SLC35F3: variants seen among roughly 807,000 people sequenced by gnomAD.
SLC35F3 encodes the protein putative thiamine transporter SLC35F3.
SLC35F3 carries 25 observed loss-of-function variants against 49.9 expected under a neutral mutation model. The observed-to-expected ratio is 0.50, with a 90% CI of 0.37 to 0.70. The LOEUF (loss-of-function observed/expected upper bound fraction) is 0.70. Ranked by LOEUF, SLC35F3 falls within the 30% of genes least tolerant of loss-of-function variation. SLC35F3 has a pLI of 0.00. For missense variants in SLC35F3, 525 were observed against 639.8 expected, an observed-to-expected ratio of 0.82 and a Z score of 1.94; for synonymous variants, 275 against 265.4, an observed-to-expected ratio of 1.04 and a Z score of -0.35.
intron 3 of SLC35F3, among the ~76,000 whole-genome samples, chr1:234,233,814 C>A (rs1320207066): frequency 1.3e-5 from 2 of 152,228 alleles, no homozygotes; most frequent in East Asian, 3.8e-4. Flanking sequence ...TTTCTGTCAT[C>A]ACATTCTGCT....
At chr1:234,313,510 G>C (rs1657410405) in intron 4 of SLC35F3, among the ~76,000 whole-genome samples, 1 of 152,168 alleles carries the variant, frequency 6.6e-6, no homozygotes, top group African/African-American at 2.4e-5. Context: ...CTGTTCCCTA[G>C]ACAAAGAAGA....
chr1:233,977,562 A>G (rs776191964), intron 2 of SLC35F3, among the ~76,000 whole-genome samples: 43 of 152,138 alleles, frequency 2.8e-4, no homozygotes, highest in Non-Finnish European at 5.3e-4. Context: ...ATCATGAAGT[A>G]TCTACTTCAT....
intron 3 of SLC35F3, chr1:234,285,616 GA>G (rs1668407985): frequency 3.8e-6 from 1 of 265,318 alleles, no homozygotes; most frequent in Admixed American, 4.9e-5. Context: ...ATATTTTAAT[GA>G]TGCAATAACA....
At chr1:233,943,399 A>C (rs1016330680) in intron 2 of SLC35F3, among the ~76,000 whole-genome samples, 2 of 152,248 alleles carry the variant, frequency 1.3e-5, no homozygotes, top group Admixed American at 1.3e-4. Flanking sequence ...TCAATACACA[A>C]ATCATGTTTT....
chr1:234,053,624 G>A (rs996571281), intron 2 of SLC35F3, among the ~76,000 whole-genome samples: 1 of 152,018 alleles, frequency 6.6e-6, no homozygotes, highest in Non-Finnish European at 1.5e-5. Context: ...TTTAATTGGG[G>A]CATTTAGCCC....
rs778186074 is a variant in SLC35F3, at chr1:234,231,559, G to T, written c.426G>T (p.Val142=). The change falls in exon 3 of 8, where the codon GTG becomes GTT. Residue 142 remains valine (V), a synonymous_variant. Coordinates refer to ENST00000366618, the MANE Select transcript of SLC35F3 (RefSeq NM_173508.4). The surrounding 1 kb of genome is among the most constrained non-coding windows in gnomAD (Gnocchi z 5.4). The stretch of plus-strand genomic sequence containing the variant: ...AGATCTTCTGGGGCGTGGCGGTCGT[G>T]CTGTGCGTGTGCTCCTCGTGGGCGG... ...LKKIFWGVAV[V]LCVCSSWAGS... 3 of 1,614,036 alleles carry T rather than the reference G, an allele frequency of 1.9e-6. No individual in the cohort carries two copies. The East Asian group carries it at 6.7e-5, about 36-fold the overall frequency.
intron 2 of SLC35F3, among the ~76,000 whole-genome samples, chr1:233,964,534 G>A (rs1033830410): frequency 1.3e-5 from 2 of 152,240 alleles, no homozygotes; most frequent in East Asian, 3.8e-4. Flanking sequence ...TATGGAGCAA[G>A]ATGGCTTCAA....
chr1:234,050,912 T>A (rs1664366898), intron 2 of SLC35F3, among the ~76,000 whole-genome samples: 1 of 152,224 alleles, frequency 6.6e-6, no homozygotes, highest in South Asian at 2.1e-4. Context: ...CCCCATTTCT[T>A]GTTTTTGTCA....
intron 2 of SLC35F3, among the ~76,000 whole-genome samples, chr1:234,044,833 G>A (rs1214614822): frequency 6.6e-6 from 1 of 152,108 alleles, no homozygotes; most frequent in Non-Finnish European, 1.5e-5. Context: ...GATCATATGG[G>A]TGGTAGTTAT....
intron 2 of SLC35F3, among the ~76,000 whole-genome samples, chr1:233,949,661 A>G (rs1263672221): frequency 6.6e-6 from 1 of 152,164 alleles, no homozygotes; most frequent in Non-Finnish European, 1.5e-5. Context: ...CTTTTACAGC[A>G]TTCACTGGGG....
intron 2 of SLC35F3, among the ~76,000 whole-genome samples, chr1:234,129,604 G>A (rs1665702782): frequency 6.6e-6 from 1 of 152,082 alleles, no homozygotes; most frequent in South Asian, 2.1e-4. Context: ...ATTGAATGTG[G>A]AAATACAAAA....
chr1:233,914,400 C>T (rs1216202563), intron 2 of SLC35F3, among the ~76,000 whole-genome samples: 1 of 152,120 alleles, frequency 6.6e-6, no homozygotes, highest in African/African-American at 2.4e-5. Context: ...GCCTGTTTCC[C>T]TCCTACATCA....
chr1:234,247,812 TTCA>T (rs2102960687), intron 3 of SLC35F3, among the ~76,000 whole-genome samples: 1 of 140,326 alleles, frequency 7.1e-6, no homozygotes, highest in Non-Finnish European at 1.6e-5. Flanking sequence ...GGTCCATTGT[TTCA>T]TGGGTCAGTT....
At chr1:233,981,679 G>A (rs1223960151) in intron 2 of SLC35F3, among the ~76,000 whole-genome samples, 1 of 150,874 alleles carries the variant, frequency 6.6e-6, no homozygotes, top group Non-Finnish European at 1.5e-5. Flanking sequence ...AAAAAAAAAA[G>A]CTCAGGAATG....
intron 4 of SLC35F3, among the ~76,000 whole-genome samples, chr1:234,316,112 G>A (rs1657484633): frequency 1.3e-5 from 2 of 152,220 alleles, no homozygotes; most frequent in Non-Finnish European, 2.9e-5. Context: ...TGCTGGGGTA[G>A]AAAATGGGGA....
At chr1:234,041,519 C>G (rs978230701) in intron 2 of SLC35F3, among the ~76,000 whole-genome samples, 11 of 151,998 alleles carry the variant, frequency 7.2e-5, no homozygotes, top group Admixed American at 5.9e-4. Context: ...TGAGAGCATA[C>G]ATGCAGCTAT....
At chr1:234,075,703 C>G (rs1474731663) in intron 2 of SLC35F3, among the ~76,000 whole-genome samples, 1 of 152,046 alleles carries the variant, frequency 6.6e-6, no homozygotes, top group South Asian at 2.1e-4. Context: ...AGTAAAGACC[C>G]CAATTCACTG....
intron 2 of SLC35F3, among the ~76,000 whole-genome samples, chr1:234,172,825 G>A (rs1272612758): frequency 2.6e-5 from 4 of 152,104 alleles, no homozygotes; most frequent in South Asian, 2.1e-4. Context: ...ATTATAATCC[G>A]ATGTGGCCAC....
intron 2 of SLC35F3, among the ~76,000 whole-genome samples, chr1:234,152,518 G>A (rs1666091763): frequency 6.6e-6 from 1 of 152,050 alleles, no homozygotes; most frequent in Non-Finnish European, 1.5e-5. Flanking sequence ...GAGAATGATG[G>A]TTTCCAGCTT....
Sources: allele counts gnomAD v4.1 joint callset (sites outside exome capture counted in the v4.1 genomes callset), GRCh38; gene constraint gnomAD v4.1.1; non-coding constraint Gnocchi (gnomAD v3.1); transcripts MANE v1.5; gene names NCBI Gene and HGNC (gene_info 2026-07-23, HGNC 2026-07-21).